Variants in ASIC2 observed in about 807,000 individuals in gnomAD.
ASIC2 encodes acid sensing ion channel subunit 2, also known as acid-sensing ion channel 2.
A neutral mutation model predicts 57.3 loss-of-function variants in ASIC2; 25 were observed. The ratio of observed to expected loss-of-function variants is 0.44; its 90% CI spans 0.32 to 0.61. The LOEUF is 0.61. ASIC2 is among the 20% of genes least tolerant of loss of function. The pLI is 0.06. For synonymous variants in ASIC2, 319 were observed against 307.5 expected, an observed-to-expected ratio of 1.04 and a Z score of -0.39; for missense variants, 641 against 738.1, an observed-to-expected ratio of 0.87 and a Z score of 1.52.
At chr17:33,359,032 C>G (rs1309428771) in intron 1 of ASIC2, among the ~76,000 whole-genome samples, 2 of 152,172 alleles carry the variant, frequency 1.3e-5, no homozygotes, top group African/African-American at 2.4e-5. Context: ...CCCCCCCTTT[C>G]TCTTCCAGCA....
intron 1 of ASIC2, among the ~76,000 whole-genome samples, chr17:33,434,435 GA>G (rs1288557051): frequency 6.6e-6 from 1 of 151,888 alleles, no homozygotes; most frequent in Non-Finnish European, 1.5e-5. Flanking sequence ...ACTTTAAGAA[GA>G]AAAAATTATT....
At chr17:33,758,186 A>G (rs1264362868) in intron 1 of ASIC2, among the ~76,000 whole-genome samples, 3 of 152,018 alleles carry the variant, frequency 2.0e-5, no homozygotes, top group South Asian at 4.2e-4. Flanking sequence ...GTGTGTGTGT[A>G]TATATGTGTG....
At chr17:33,158,252 G>A (rs574066184) in intron 1 of ASIC2, among the ~76,000 whole-genome samples, 72 of 152,068 alleles carry the variant, frequency 4.7e-4, no homozygotes, top group Non-Finnish European at 8.4e-4. Flanking sequence ...AATGCCTAGC[G>A]CATAGGAGGT....
chr17:33,221,326 T>A (rs757536063), intron 1 of ASIC2, among the ~76,000 whole-genome samples: 2 of 152,152 alleles, frequency 1.3e-5, no homozygotes, highest in Non-Finnish European at 2.9e-5. Flanking sequence ...AAATTAAAAA[T>A]TCAGCAAATG....
chr17:33,094,435 T>C (rs1567742451), intron 2 of ASIC2, among the ~76,000 whole-genome samples: 1 of 152,198 alleles, frequency 6.6e-6, no homozygotes, highest in Non-Finnish European at 1.5e-5. Flanking sequence ...ACCAGGATGC[T>C]GCACTCTCCT....
At chr17:33,019,344 G>C (rs1034415452) in intron 7 of ASIC2, among the ~76,000 whole-genome samples, 10 of 151,892 alleles carry the variant, frequency 6.6e-5, no homozygotes, top group Admixed American at 5.2e-4. Context: ...TGTCGAGCGT[G>C]TGTAGTGTGG....
intron 1 of ASIC2, among the ~76,000 whole-genome samples, chr17:33,772,575 A>G (rs917774170): frequency 6.6e-6 from 1 of 152,214 alleles, no homozygotes; most frequent in African/African-American, 2.4e-5. Context: ...TATACTATGT[A>G]TTATGTATGT....
chr17:34,110,477 G>A (rs2142110218), intron 1 of ASIC2, among the ~76,000 whole-genome samples: 1 of 152,314 alleles, frequency 6.6e-6, no homozygotes, highest in Admixed American at 6.5e-5. Flanking sequence ...TCATTAGCCT[G>A]GGATTAGCAG....
chr17:33,805,520 G>A (rs1473514422), intron 1 of ASIC2, among the ~76,000 whole-genome samples: 2 of 152,184 alleles, frequency 1.3e-5, no homozygotes, highest in Non-Finnish European at 2.9e-5. Flanking sequence ...GAAAATGTGA[G>A]GAGTCTTAGA....
At chr17:33,809,010 T>C (rs183935356) in intron 1 of ASIC2, among the ~76,000 whole-genome samples, 168 of 152,392 alleles carry the variant, frequency 1.1e-3, no homozygotes, top group African/African-American at 3.9e-3. Context: ...TCAGTCATCC[T>C]CTTCCACTCT....
At position 33,809,678 on chromosome 17, in the gene ASIC2, C is replaced by T. The variant is rs539782087; in HGVS notation, c.555+346300G>A. On this transcript the variant is annotated intron_variant, in intron 1 of 9. Transcript: ENST00000359872. ...CCCTCAGAGGTCTATGTTGGGAACCCAGCCCGAAAACTTATAAATGGTGTG... is the reference window on the plus strand; with the variant it reads ...CCCTCAGAGGTCTATGTTGGGAACCTAGCCCGAAAACTTATAAATGGTGTG... 5.3e-5 allele frequency among the ~76,000 whole-genome samples: 8 copies of T among 152,224 alleles called. No individual in the cohort carries two copies. The South Asian group carries it at 1.7e-3, about 32-fold the overall frequency.
In ASIC2 at chr17:33,111,849, C is replaced by T. The variant is rs1464671586; in HGVS notation, c.859+68G>A. 6 of 1,540,396 alleles carry T rather than the reference C, an allele frequency of 3.9e-6. No homozygotes were observed. The South Asian group carries it at 5.1e-5, about 13-fold the overall frequency. On this transcript the variant is annotated intron_variant, in intron 2 of 9. Coordinates refer to ENST00000225823, the MANE Select transcript of ASIC2 (RefSeq NM_183377.2). ...CACAGGGTGGGCCAAGACAGCTCAC[C>T]AGCCTTTCAGAGTCAGGCCTGCAAC...
At chr17:33,852,945 C>A (rs544632357) in intron 1 of ASIC2, among the ~76,000 whole-genome samples, 3 of 152,296 alleles carry the variant, frequency 2.0e-5, no homozygotes, top group South Asian at 4.1e-4. Context: ...GAACTCCCCA[C>A]CCTATTGTCA....
rs182170004 is a variant in ASIC2 at position 33,644,297 on chromosome 17, T to G, written c.555+511681A>C. Among the ~76,000 whole-genome samples the G allele has an allele frequency of 9.8e-5, 15 of 152,340 alleles. No homozygotes were observed. In the East Asian group the frequency reaches 2.7e-3, roughly 27 times the overall value. The stretch of plus-strand genomic sequence containing the variant: ...TTGTGTCCTCCCTCATTGATTATGA[T>G]GGGCTGTTGACTATTTGAACCTGGT... On this transcript the variant is annotated intron_variant, in intron 1 of 9. Coordinates refer to the ASIC2 transcript ENST00000359872.
At chr17:34,121,465 C>G (rs1364098542) in intron 1 of ASIC2, among the ~76,000 whole-genome samples, 3 of 152,154 alleles carry the variant, frequency 2.0e-5, no homozygotes, top group African/African-American at 7.2e-5. Context: ...ACCATCACAC[C>G]CTTAGTTCAG....
intron 1 of ASIC2, among the ~76,000 whole-genome samples, chr17:33,835,948 T>C (rs928782481): frequency 9.9e-5 from 15 of 151,064 alleles, no homozygotes; most frequent in Admixed American, 2.0e-4. Context: ...GTGCCCAGTA[T>C]ATGAAATACT....
chr17:33,090,061 C>T (rs1218974825), intron 2 of ASIC2, among the ~76,000 whole-genome samples: 1 of 152,208 alleles, frequency 6.6e-6, no homozygotes, highest in Admixed American at 6.5e-5. Flanking sequence ...TTACCCACCC[C>T]TTCCCTAGCC....
chr17:33,668,107 G>C (rs1400657708), intron 1 of ASIC2, among the ~76,000 whole-genome samples: 1 of 152,036 alleles, frequency 6.6e-6, no homozygotes, highest in East Asian at 1.9e-4. Flanking sequence ...GAACCGCGCT[G>C]GCGTGTCTGG....
chr17:33,156,213 C>A (rs947494555), intron 1 of ASIC2, among the ~76,000 whole-genome samples: 4 of 151,580 alleles, frequency 2.6e-5, no homozygotes, highest in Non-Finnish European at 5.9e-5. Flanking sequence ...CTGCAACCTC[C>A]GCCCTGCCAG....
Sources: gnomAD v4.1 joint callset for allele counts (sites outside exome capture counted in the v4.1 genomes callset) on GRCh38, gnomAD v4.1.1 for gene constraint, MANE v1.5 for transcripts, NCBI Gene and HGNC (gene_info 2026-07-23, HGNC 2026-07-21) for gene names.